The following STK32B variants were observed in gnomAD, a reference collection of about 807,000 sequenced individuals.
STK32B encodes the protein serine/threonine kinase 32B, also known as serine/threonine-protein kinase 32B.
Under a neutral mutation model 52.6 loss-of-function variants are expected in STK32B, and 43 were observed. That is an observed-to-expected ratio of 0.82 (90% CI 0.64 to 1.05). The LOEUF (loss-of-function observed/expected upper bound fraction) is 1.05. Among genes scored for constraint, STK32B ranks in the 50% least tolerant of loss-of-function variants. The pLI is 0.00. For missense variants in STK32B, 621 were observed against 534.6 expected (o/e 1.16, Z -1.59); for synonymous variants, 238 against 204.3 (o/e 1.17, Z -1.41).
At chr4:5,382,215 G>A (rs1227340294) in intron 4 of STK32B, among the ~76,000 whole-genome samples, 3 of 152,092 alleles carry the variant, frequency 2.0e-5, no homozygotes, top group Non-Finnish European at 4.4e-5. Context: ...CAAATATCTG[G>A]GTACTGTGGC....
chr4:5,482,781 G>C (rs1718827695), intron 11 of STK32B, among the ~76,000 whole-genome samples: 1 of 152,126 alleles, frequency 6.6e-6, no homozygotes, highest in Non-Finnish European at 1.5e-5. Context: ...AATTCATTAA[G>C]AGTTTTCAGG....
intron 1 of STK32B, among the ~76,000 whole-genome samples, chr4:5,077,534 C>T (rs1170125200): frequency 1.3e-5 from 2 of 152,290 alleles, no homozygotes; most frequent in Non-Finnish European, 2.9e-5. Flanking sequence ...GAGCCTCTCC[C>T]TGGCTGACCC....
chr4:5,104,186 C>T (rs892795966), intron 1 of STK32B, among the ~76,000 whole-genome samples: 4 of 152,128 alleles, frequency 2.6e-5, no homozygotes, highest in Non-Finnish European at 4.4e-5. Flanking sequence ...ATAATTGAAT[C>T]GTGGGGGTGG....
Position 5,279,459 on chromosome 4 carries a change from T to C in STK32B, c.261-51761T>C, listed in dbSNP as rs1481091077. ...AGGTTTTGAGCAGCCTCTGGCTCTG[T>C]GGCTATGGAGGGTACAACCCCCACA... On this transcript the variant is annotated intron_variant, in intron 3 of 11. Transcript: ENST00000282908. Among the ~76,000 whole-genome samples the C allele has an allele frequency of 2.0e-5, 3 of 152,302 alleles. No homozygotes were observed. The East Asian group carries it at 5.8e-4, about 29-fold the overall frequency.
At chr4:5,240,337 A>G (rs1246823159) in intron 3 of STK32B, among the ~76,000 whole-genome samples, 1 of 151,598 alleles carries the variant, frequency 6.6e-6, no homozygotes, top group Non-Finnish European at 1.5e-5. Context: ...TTTGGATACA[A>G]CTCCTAAGTA....
chr4:5,410,964 A>G (rs1711606356), intron 5 of STK32B, among the ~76,000 whole-genome samples: 1 of 151,870 alleles, frequency 6.6e-6, no homozygotes, highest in Non-Finnish European at 1.5e-5. Flanking sequence ...AAGATGGAAG[A>G]TCAAAACGGT....
chr4:5,490,819 C>T (rs143310573), intron 11 of STK32B, among the ~76,000 whole-genome samples: 2,450 of 152,066 alleles, frequency 0.016, 74 homozygotes, highest in African/African-American at 0.055. Flanking sequence ...TGAGAATATG[C>T]GGTGTTTGGT....
intron 3 of STK32B, among the ~76,000 whole-genome samples, chr4:5,213,782 G>T (rs1723033716): frequency 6.6e-6 from 1 of 152,070 alleles, no homozygotes; most frequent in African/African-American, 2.4e-5. Context: ...TTTATGGGGG[G>T]ATTTATATGT....
intron 11 of STK32B, among the ~76,000 whole-genome samples, chr4:5,495,441 A>C (rs1448468731): frequency 3.3e-5 from 5 of 151,990 alleles, no homozygotes; most frequent in South Asian, 2.1e-4. Context: ...TCCTTTAAGC[A>C]CTTCTCTCTA....
At chr4:5,121,499 G>A (rs539248415) in intron 1 of STK32B, among the ~76,000 whole-genome samples, 123 of 152,302 alleles carry the variant, frequency 8.1e-4, no homozygotes, top group African/African-American at 2.9e-3. Context: ...CTCCAATTCT[G>A]TCTGTGCAAT....
chr4:5,492,537 T>C (rs977037518), intron 11 of STK32B, among the ~76,000 whole-genome samples: 1 of 151,746 alleles, frequency 6.6e-6, no homozygotes, highest in African/African-American at 2.4e-5. Context: ...ACAATTTGAC[T>C]TCCTCTTTTC....
chr4:5,043,518 G>A, the STK32B span, among the ~76,000 whole-genome samples: 1 of 152,222 alleles, frequency 6.6e-6, no homozygotes, highest in Non-Finnish European at 1.5e-5. Flanking sequence ...CAGAACACCT[G>A]TAAAGCTCCT....
Position 5,331,300 on chromosome 4 carries a change from A to G in STK32B, c.341A>G (p.Gln114Arg), listed in dbSNP as rs747038457. The change falls in exon 4 of 12, where the codon CAG (glutamine) becomes CGG (arginine). Residue 114 changes from glutamine to arginine, a missense_variant. By Grantham distance (43) the Gln-to-Arg change is conservative (BLOSUM62 1). Coordinates refer to ENST00000282908, the MANE Select transcript of STK32B (RefSeq NM_018401.3). ...LGGDLRYHLQ[Q>R]NVHFTEGTVK... ...GGCGACCTGCGCTACCATCTGCAGC[A>G]GAATGTGCATTTCACAGAGGGGACT... 6.2e-7 allele frequency: 1 copy of G among 1,613,894 alleles called. No homozygotes were observed. Among genetic ancestry groups the G allele is most frequent in the African/African-American group, 1.3e-5 (1 of 74,928 alleles).
chr4:5,244,313 A>G (rs1409791904), intron 3 of STK32B, among the ~76,000 whole-genome samples: 2 of 152,038 alleles, frequency 1.3e-5, no homozygotes. Context: ...GGGAGGGTGT[A>G]TGTGTTGAGG....
chr4:5,140,396 T>C, intron 2 of STK32B: 1 of 944,738 alleles, frequency 1.1e-6, no homozygotes, highest in South Asian at 2.2e-5. Context: ...AAAACAAAAA[T>C]ACTCCCCCCA....
intron 1 of STK32B, among the ~76,000 whole-genome samples, chr4:5,130,673 A>G (rs1036067471): frequency 2.0e-5 from 3 of 152,062 alleles, no homozygotes; most frequent in Non-Finnish European, 4.4e-5. Flanking sequence ...CTTGGTAAAC[A>G]AAGGGAGGTG....
rs542645324 is a variant in STK32B, at chr4:5,482,424, T to C, written c.1106+14354T>C. Among the ~76,000 whole-genome samples the C allele has an allele frequency of 1.6e-3, 237 of 152,270 alleles. 1 individual carries two copies. Among genetic ancestry groups the C allele is most frequent in the South Asian group, 2.7e-3 (13 of 4,828 alleles). Reference sequence around the variant, plus strand: ...TGTATTAGAATGCTTGTGATTTTTGTACATTGATTTTGTATCCTGAGACTT... The same window carrying C: ...TGTATTAGAATGCTTGTGATTTTTGCACATTGATTTTGTATCCTGAGACTT... On this transcript the variant is annotated intron_variant, in intron 11 of 11. Transcript: ENST00000282908.
intron 11 of STK32B, among the ~76,000 whole-genome samples, chr4:5,477,727 C>T (rs1354155094): frequency 6.6e-6 from 1 of 152,168 alleles, no homozygotes; most frequent in African/African-American, 2.4e-5. Flanking sequence ...ATTACACGCT[C>T]CAGCCTGATG....
Position 5,499,170 on chromosome 4 carries a change from C to G in STK32B, c.*87C>G. ...CTCTTTGTGCCCTGATGGTCCCTGT[C>G]TCACCCCTGAAAACATCAGATGCAG... On this transcript the variant is annotated 3_prime_UTR_variant, in exon 12 of 12. Coordinates refer to ENST00000282908, the MANE Select transcript of STK32B (RefSeq NM_018401.3). The G allele has an allele frequency of 6.8e-7, 1 of 1,460,896 alleles. No individual in the cohort carries two copies. The highest frequency in any genetic ancestry group is 9.1e-7 in the Non-Finnish European group (1 of 1,097,670). 90.5% of individuals were successfully genotyped at this position (1,460,896 alleles called of 1,614,324 possible). A position where few individuals can be genotyped will look rare whatever the true frequency, so the allele number is the denominator to read the frequency against.
Sources: gnomAD v4.1 joint callset for allele counts (sites outside exome capture counted in the v4.1 genomes callset) on GRCh38, gnomAD v4.1.1 for gene constraint, MANE v1.5 for transcripts, NCBI Gene and HGNC (gene_info 2026-07-23, HGNC 2026-07-21) for gene names.